The following CDHR1 variants were observed in gnomAD, a reference collection of about 807,000 sequenced individuals.
The protein encoded by CDHR1 is cadherin-related family member 1.
CDHR1 carries 61 observed loss-of-function variants against 72.1 expected under a neutral mutation model. The ratio of observed to expected loss-of-function variants is 0.85; its 90% confidence interval spans 0.69 to 1.05. The LOEUF is 1.05. Ranked by LOEUF, CDHR1 falls within the 50% of genes least tolerant of loss-of-function variation. The probability of loss-of-function intolerance (pLI) is 0.00; values close to 1 mark genes in which losing one functional copy is unlikely to be tolerated. For missense variants in CDHR1, 1,186 were observed against 1,115.7 expected, an observed-to-expected ratio of 1.06 and a Z score of -0.90; for synonymous variants, 470 against 448.1, an observed-to-expected ratio of 1.05 and a Z score of -0.62.
chr10:84,215,522 C>A lies in CDHR1; in HGVS notation c.*901C>A. 1 of 943,224 alleles carries A rather than the reference C, an allele frequency of 1.1e-6. No homozygotes were observed. The highest frequency in any genetic ancestry group is 1.3e-6 in the Non-Finnish European group (1 of 791,508). 58.4% of individuals were successfully genotyped at this position (943,224 alleles called of 1,614,324 possible). On this transcript the variant is annotated 3_prime_UTR_variant, in exon 17 of 17. Coordinates refer to ENST00000623527, the MANE Select transcript of CDHR1 (RefSeq NM_033100.4). The stretch of plus-strand genomic sequence containing the variant: ...TCCGTTTTTATCCAGCTCTTTTGCT[C>A]ACATCGCGTAACCTTGGGAAAGCTG...
Position 84,207,169 on chromosome 10 carries a change from G to A in CDHR1, c.964-1005G>A, listed in dbSNP as rs114257414. On this transcript the variant is annotated intron_variant, in intron 10 of 16. Coordinates refer to ENST00000623527, the MANE Select transcript of CDHR1 (RefSeq NM_033100.4). ...CTACAGGTAGCTGTGGAAGGCATGG[G>A]AGGGAATAAAAGCACCCAGAGGAAG... 4.0e-3 allele frequency among the ~76,000 whole-genome samples: 615 copies of A among 152,222 alleles called. 5 individuals carry two copies. The highest frequency in any genetic ancestry group is 0.014 in the African/African-American group (591 of 41,534).
chr10:84,202,630 G>A (rs1842148111), intron 7 of CDHR1, among the ~76,000 whole-genome samples: 1 of 152,228 alleles, frequency 6.6e-6, no homozygotes, highest in South Asian at 2.1e-4. Context: ...GTGGGTCCCT[G>A]ACACTCAGCA....
At chr10:84,212,912 C>T (rs1564665202) in intron 15 of CDHR1, 179 bp from the exon 16 acceptor site, 6 of 755,258 alleles carry the variant, frequency 7.9e-6, no homozygotes, top group South Asian at 3.2e-5. Flanking sequence ...GTAAGACCTA[C>T]GTAAACCCTG....
chr10:84,196,717 C>G (rs892924083), intron 3 of CDHR1, 67 bp downstream of exon 3: 19 of 1,577,304 alleles, frequency 1.2e-5, no homozygotes, highest in Admixed American at 1.7e-5. Flanking sequence ...GGCTGAAGTT[C>G]CCCTGGAGCA....
Position 84,196,496 on chromosome 10 carries a change from T to C in CDHR1, c.152-9T>C, listed in dbSNP as rs754726772. 1.1e-5 allele frequency: 17 copies of C among 1,614,076 alleles called. No homozygotes were observed. In the Admixed American group the frequency reaches 2.8e-4, roughly 27 times the overall value. ...AGATTCTATGTCTCTCCACTGTGTT[T>C]CCTTCCAGGCTCTCACGTATACACC... On this transcript the variant is annotated splice_polypyrimidine_tract_variant and intron_variant, in intron 2 of 16. Coordinates refer to ENST00000623527, the MANE Select transcript of CDHR1 (RefSeq NM_033100.4).
chr10:84,211,757 G>A lies in CDHR1; in HGVS notation c.1553+42G>A, dbSNP rs762553532. ...TCCAGGACAGGGCCTTGGGCAAGGG[G>A]ATTGGAAGGCTGAGGGTGGAGGAGG... On this transcript the variant is annotated intron_variant, in intron 14 of 16. Transcript: ENST00000623527. 3 of 1,553,582 alleles carry A rather than the reference G, an allele frequency of 1.9e-6. No individual in the cohort carries two copies. The Admixed American group carries it at 5.0e-5, about 26-fold the overall frequency.
rs538388767 is a variant in CDHR1, at chr10:84,205,025, C to T, written c.862+420C>T. Among the ~76,000 whole-genome samples the T allele has an allele frequency of 2.6e-5, 4 of 152,276 alleles. No individual in the cohort carries two copies. The South Asian group carries it at 8.3e-4, about 32-fold the overall frequency. ...TGATATGGCATCTCCCTAGTGCTAGCCCTATATATGGACAAGAAAACTGAA... is the reference window on the plus strand; with the variant it reads ...TGATATGGCATCTCCCTAGTGCTAGTCCTATATATGGACAAGAAAACTGAA... On this transcript the variant is annotated intron_variant, in intron 9 of 16. Transcript: ENST00000623527.
Position 84,213,202 on chromosome 10 carries a change from A to C in CDHR1, c.1894A>C (p.Lys632Gln), listed in dbSNP as rs866756953. The change falls in exon 16 of 17, where the codon AAG becomes CAG. Residue 632 changes from lysine (K) to glutamine (Q), a missense_variant. Physicochemically the swap from Lys to Gln is moderately conservative, Grantham distance 53. Transcript: ENST00000623527. ...INSHTGEIWLKNSIRSLDALH... is the reference protein window; with the variant it reads ...INSHTGEIWLQNSIRSLDALH... The stretch of plus-strand genomic sequence containing the variant: ...TTCCCACACGGGGGAGATCTGGCTC[A>C]AGAATTCCATCCGCTCCCTGGATGC... The C allele has an allele frequency of 6.2e-7, 1 of 1,614,258 alleles. No homozygotes were observed. Among genetic ancestry groups the C allele is most frequent in the Admixed American group, 1.7e-5 (1 of 60,026 alleles).
At chr10:84,205,787 T>G in intron 9 of CDHR1, 40 bp from the exon 10 acceptor site, 1 of 1,433,800 alleles carries the variant, frequency 7.0e-7, no homozygotes, top group Non-Finnish European at 9.8e-7. Flanking sequence ...CGCCTCCCTG[T>G]GGTCCTGTGC....
At position 84,212,393 on chromosome 10, in the gene CDHR1, C is replaced by T. The variant is rs866406140; in HGVS notation, c.1768C>T (p.Pro590Ser). 3.1e-6 allele frequency: 5 copies of T among 1,613,952 alleles called. No individual in the cohort carries two copies. In the African/African-American group the frequency reaches 6.7e-5, roughly 22 times the overall value. Residue 590 changes from proline to serine, a missense_variant, in exon 15 of 17, where the codon CCA becomes TCA. By Grantham distance (74) the Pro-to-Ser change is moderately conservative. Transcript: ENST00000623527. ...GAAGAAGACGATGGTGCTAGGGACC[C>T]CAGTGAAAATTGAGGTAAGTTTTGG... is the stretch of plus-strand genomic sequence containing the variant. Reference protein sequence around the residue: ...VQKKTMVLGTPVKIEAIDEDA... With the variant: ...VQKKTMVLGTSVKIEAIDEDA...
At position 84,214,499 on chromosome 10, in the gene CDHR1, C is replaced by T. The variant is rs769541620; in HGVS notation, c.2458C>T (p.Pro820Ser). The stretch of plus-strand genomic sequence containing the variant: ...GCCTACTGTCTCTGGCTCTCTCACT[C>T]CGCAGCCGACCCAACCCCCGCCAAA... ...TVPTVSGSLT[P>S]QPTQPPPKPK... Residue 820 changes from proline (P) to serine (S), a missense_variant, in exon 17 of 17, where the codon CCG becomes TCG. Pro to Ser is a moderately conservative substitution (Grantham distance 74). Coordinates refer to ENST00000623527, the MANE Select transcript of CDHR1 (RefSeq NM_033100.4). The T allele has an allele frequency of 3.7e-6, 6 of 1,606,308 alleles. No individual in the cohort carries two copies. In the Admixed American group the frequency reaches 6.7e-5, roughly 18 times the overall value.
chr10:84,202,971 C>G lies in CDHR1; in HGVS notation c.640-9C>G. 6.2e-7 allele frequency: 1 copy of G among 1,614,226 alleles called. No individual in the cohort carries two copies. Among genetic ancestry groups the G allele is most frequent in the Non-Finnish European group, 8.5e-7 (1 of 1,180,028 alleles). ...CTTCACTCTCCTGTGGCCTCCGATT[C>G]TTCTGCAGGATGGCGGTGGGAGGCT... On this transcript the variant is annotated splice_polypyrimidine_tract_variant and intron_variant, in intron 7 of 16. Transcript: ENST00000623527.
chr10:84,200,452 C>G (rs559424926), intron 5 of CDHR1, 149 bp from the exon 6 acceptor site: 1 of 684,812 alleles, frequency 1.5e-6, no homozygotes, highest in Non-Finnish European at 2.7e-6. Flanking sequence ...GCCCAGCCCC[C>G]ACTGGGTGCT....
In CDHR1 at chr10:84,195,403, C is replaced by A; in HGVS notation, c.56-91C>A. 4 of 1,200,340 alleles carry A rather than the reference C, an allele frequency of 3.3e-6. No homozygotes were observed. The South Asian group carries it at 3.9e-5, about 12-fold the overall frequency. The allele number at this position is 1,200,340 out of a possible 1,614,324, so 74.4% of individuals were successfully genotyped here. On this transcript the variant is annotated intron_variant, in intron 1 of 16. Transcript: ENST00000623527. ...AGCGCCCTCCTGCCCAGTAGCTGGG[C>A]CTGACGCGGGACCGCGCTGGTGCGA...
chr10:84,205,469 T>C (rs1396426585), intron 9 of CDHR1, among the ~76,000 whole-genome samples: 1 of 150,932 alleles, frequency 6.6e-6, no homozygotes, highest in East Asian at 2.0e-4. Flanking sequence ...TCCCCTTCCA[T>C]GTCCGTCTCT....
downstream of CDHR1, chr10:84,219,490 A>C: frequency 1.6e-6 from 1 of 643,124 alleles, no homozygotes; most frequent in Non-Finnish European, 2.4e-6. Flanking sequence ...AGGTCTGAAC[A>C]TCCACTCTCA....
At chr10:84,212,095 G>A in intron 14 of CDHR1, 84 bp from the exon 15 acceptor site, 2 of 1,201,174 alleles carry the variant, frequency 1.7e-6, no homozygotes, top group Non-Finnish European at 2.5e-6. Flanking sequence ...TGCTTCAGGA[G>A]GCAGCTCATT....
At chr10:84,195,223 T>C (rs949159778) in intron 1 of CDHR1, among the ~76,000 whole-genome samples, 1 of 152,176 alleles carries the variant, frequency 6.6e-6, no homozygotes, top group Non-Finnish European at 1.5e-5. Context: ...TGCCCATTGA[T>C]GAAGGAGGGG....
Position 84,217,653 on chromosome 10 carries a change from C to T in CDHR1, c.*3032C>T, listed in dbSNP as rs1489183625. Reference sequence around the variant, plus strand: ...GTAGACACTTGCCGTGACTGTGGCCCACATACTAGAACACCATGTCCTGAA... The same window carrying T: ...GTAGACACTTGCCGTGACTGTGGCCTACATACTAGAACACCATGTCCTGAA... On this transcript the variant is annotated 3_prime_UTR_variant, in exon 17 of 17. Coordinates refer to ENST00000623527, the MANE Select transcript of CDHR1 (RefSeq NM_033100.4). 8 of 985,368 alleles carry T rather than the reference C, an allele frequency of 8.1e-6. No homozygotes were observed. The highest frequency in any genetic ancestry group is 9.6e-6 in the Non-Finnish European group (8 of 829,992). The allele number at this position is 985,368 out of a possible 1,614,324, so 61.0% of individuals were successfully genotyped here.
Sources: allele counts gnomAD v4.1 joint callset (sites outside exome capture counted in the v4.1 genomes callset), GRCh38; gene constraint gnomAD v4.1.1; transcripts MANE v1.5; gene names NCBI Gene and HGNC (gene_info 2026-07-23, HGNC 2026-07-21).